The following RPL18 variants were observed in gnomAD, a reference collection of about 807,000 sequenced individuals.
RPL18 encodes the protein ribosomal protein L18, also known as large ribosomal subunit protein eL18.
A neutral mutation model predicts 25.0 loss-of-function variants in RPL18; 4 were observed. That is an observed-to-expected ratio of 0.16 (90% CI 0.08 to 0.37). The LOEUF (loss-of-function observed/expected upper bound fraction) is 0.37. Among genes scored for constraint, RPL18 ranks in the 10% least tolerant of loss-of-function variants. The pLI is 1.00. For synonymous variants in RPL18, 129 were observed against 101.6 expected (o/e 1.27, Z -1.62); for missense variants, 179 against 267.9 (o/e 0.67, Z 2.32).
In RPL18 at chr19:48,617,226, G is replaced by A. The variant is rs760072789; in HGVS notation, c.198+90C>T. 3 of 980,552 alleles carry A rather than the reference G, an allele frequency of 3.1e-6. No homozygotes were observed. In the South Asian group the frequency reaches 3.8e-5, roughly 12 times the overall value. The allele number at this position is 980,552 out of a possible 1,614,324, so 60.7% of individuals were successfully genotyped here. On this transcript the variant is annotated intron_variant, in intron 3 of 6. Coordinates refer to ENST00000549920, the MANE Select transcript of RPL18 (RefSeq NM_000979.4). ...GAGACAAACCCTTGATGCCCTGGTT[G>A]CTCCCAGAGCTCCAAGTCCTGCCTC...
In RPL18 at chr19:48,615,460, G is replaced by C. The variant is rs371491905; in HGVS notation, c.492-13C>G. The C allele has an allele frequency of 4.4e-5, 70 of 1,602,516 alleles. No individual in the cohort carries two copies. In the African/African-American group the frequency reaches 6.7e-4, roughly 15 times the overall value. ...GCGGACGTAGGGTCTGTGGGGAGAGGAGGGAGTGAGAGGGGGGCCCTCTTA... is the reference window on the plus strand; with the variant it reads ...GCGGACGTAGGGTCTGTGGGGAGAGCAGGGAGTGAGAGGGGGGCCCTCTTA... On this transcript the variant is annotated splice_polypyrimidine_tract_variant and intron_variant, in intron 6 of 6. Coordinates refer to ENST00000549920, the MANE Select transcript of RPL18 (RefSeq NM_000979.4).
At chr19:48,615,635 C>A in intron 6 of RPL18, 188 bp from the exon 7 acceptor site, 1 of 655,606 alleles carries the variant, frequency 1.5e-6, no homozygotes, top group East Asian at 2.7e-5. Context: ...CCTGGAGGGT[C>A]CCAGCCTGGG....
chr19:48,616,289 G>C, intron 4 of RPL18, 87 bp from the exon 5 acceptor site: 2 of 1,542,248 alleles, frequency 1.3e-6, no homozygotes, highest in Non-Finnish European at 1.8e-6. Flanking sequence ...CCTTGGCGCA[G>C]CAGAGCCCTG....
chr19:48,616,848 C>T (rs565922930), intron 3 of RPL18, 24 bp from the exon 4 acceptor site: 8 of 1,571,028 alleles, frequency 5.1e-6, no homozygotes, highest in Middle Eastern at 2.0e-4. Flanking sequence ...GGATGTACGT[C>T]GTAAGTTGTT....
intron 6 of RPL18, 83 bp from the exon 7 acceptor site, chr19:48,615,530 A>G (rs981970716): frequency 1.1e-5 from 12 of 1,053,554 alleles, no homozygotes; most frequent in Admixed American, 4.1e-5. Flanking sequence ...CAAGCCTGTC[A>G]CATTCAGCCC....
At chr19:48,616,434 A>G (rs1334602714) in intron 4 of RPL18, 2 of 638,416 alleles carry the variant, frequency 3.1e-6, no homozygotes, top group Admixed American at 2.7e-5. Context: ...CCAAAAAAAG[A>G]CCTGTGCAGA....
In RPL18 at chr19:48,617,781, C is replaced by T; in HGVS notation, c.90+10G>A. 6.2e-7 allele frequency: 1 copy of T among 1,611,634 alleles called. No homozygotes were observed. The highest frequency in any genetic ancestry group is 1.1e-5 in the South Asian group (1 of 91,018). On this transcript the variant is annotated intron_variant, in intron 2 of 6. Coordinates refer to ENST00000549920, the MANE Select transcript of RPL18 (RefSeq NM_000979.4). The stretch of plus-strand genomic sequence containing the variant: ...TGACCCTTCCCAAAGACCTCAGGGC[C>T]CAGCCTCACCTTGACCAACAGCCTC...
rs748264652 is a variant in RPL18 at position 48,615,939 on chromosome 19, G to C, written c.429C>G (p.Arg143=). ...AATGCCGGTACACCTCTCGGCCCTTGCGAGGACCTAGGGAAGGGGAAGGAG... is the reference window on the plus strand; with the variant it reads ...AATGCCGGTACACCTCTCGGCCCTTCCGAGGACCTAGGGAAGGGGAAGGAG... ...GCGTVLLSGP[R]KGREVYRHFG... is the part of the protein sequence containing the mutation. Residue 143 remains arginine, a synonymous_variant, in exon 6 of 7, where the codon CGC becomes CGG. Coordinates refer to ENST00000549920, the MANE Select transcript of RPL18 (RefSeq NM_000979.4). 1 of 1,613,992 alleles carries C rather than the reference G, an allele frequency of 6.2e-7. No homozygotes were observed. The highest frequency in any genetic ancestry group is 8.5e-7 in the Non-Finnish European group (1 of 1,179,928).
At position 48,616,835 on chromosome 19, in the gene RPL18, G is replaced by A. The variant is rs1023147202; in HGVS notation, c.199-11C>T. The A allele has an allele frequency of 5.0e-6, 8 of 1,602,082 alleles. No homozygotes were observed. The highest frequency in any genetic ancestry group is 1.3e-5 in the African/African-American group (1 of 74,724). On this transcript the variant is annotated splice_polypyrimidine_tract_variant and intron_variant, in intron 3 of 6. Coordinates refer to ENST00000549920, the MANE Select transcript of RPL18 (RefSeq NM_000979.4). ...CTTCATCTTCCGGATCTTAGGGTGG[G>A]GAGGATGTACGTCGTAAGTTGTTCT...
intron 6 of RPL18, chr19:48,615,665 T>A (rs1974144689): frequency 1.6e-6 from 1 of 644,100 alleles, no homozygotes; most frequent in Non-Finnish European, 2.7e-6. Context: ...GCCGGTGAAC[T>A]GCATGCTCCC....
intron 2 of RPL18, 28 bp downstream of exon 2, chr19:48,617,763 T>C (rs751525664): frequency 6.1e-5 from 97 of 1,584,778 alleles, no homozygotes; most frequent in Non-Finnish European, 8.1e-5. Flanking sequence ...GGGTGACCCT[T>C]CCCAAAGACC....
At position 48,617,388 on chromosome 19, in the gene RPL18, T is replaced by C. The variant is rs769164077; in HGVS notation, c.126A>G (p.Thr42=). 13 of 1,614,106 alleles carry C rather than the reference T, an allele frequency of 8.1e-6. No individual in the cohort carries two copies. Among genetic ancestry groups the C allele is most frequent in the South Asian group, 1.1e-5 (1 of 91,078 alleles). The change falls in exon 3 of 7, where the codon ACA becomes ACG. Residue 42 remains threonine, a synonymous_variant. Transcript: ENST00000549920. ...ACCTCTTCAACACAACCTGGTTGAATGTGGAGTTGGTTCTTCTGGCCAGAA... is the reference window on the plus strand; with the variant it reads ...ACCTCTTCAACACAACCTGGTTGAACGTGGAGTTGGTTCTTCTGGCCAGAA... ...YRFLARRTNS[T]FNQVVLKRLF... is the part of the protein sequence containing the mutation.
chr19:48,615,923 A>T lies in RPL18; in HGVS notation c.445T>A (p.Tyr149Asn). ...LSGPRKGREV[Y>N]RHFGKAPGTP... ...CCTGGGGCCTTGCCGAAATGCCGGT[A>T]CACCTCTCGGCCCTTGCGAGGACCT... Residue 149 changes from tyrosine to asparagine, a missense_variant, in exon 6 of 7, where the codon TAC (tyrosine) becomes AAC (asparagine). Transcript: ENST00000549920. 10 of 1,613,822 alleles carry T rather than the reference A, an allele frequency of 6.2e-6. No homozygotes were observed. Among genetic ancestry groups the T allele is most frequent in the Non-Finnish European group, 8.5e-6 (10 of 1,179,862 alleles).
Position 48,617,436 on chromosome 19 carries a change from G to C in RPL18, c.91-13C>G. 3 of 1,596,224 alleles carry C rather than the reference G, an allele frequency of 1.9e-6. No homozygotes were observed. The highest frequency in any genetic ancestry group is 2.6e-6 in the Non-Finnish European group (3 of 1,164,084). The stretch of plus-strand genomic sequence containing the variant: ...GAAACCTGTATAACTGGAGGGACGG[G>C]AAGACAGTGAGAAGCTGGGACAGCC... On this transcript the variant is annotated splice_polypyrimidine_tract_variant and intron_variant, in intron 2 of 6. Transcript: ENST00000549920.
rs748026369 is a variant in RPL18, at chr19:48,615,363, G to A, written c.*9C>T. 1 of 1,605,148 alleles carries A rather than the reference G, an allele frequency of 6.2e-7. No individual in the cohort carries two copies. Among genetic ancestry groups the A allele is most frequent in the Admixed American group, 1.7e-5 (1 of 59,438 alleles). ...AAAAATCTTTTTAATAAGAGAGTAG[G>A]ATCCAGGGTTAGTTTTTGTAGCCTC... On this transcript the variant is annotated 3_prime_UTR_variant, in exon 7 of 7. Transcript: ENST00000549920.
chr19:48,619,119 G>A (rs1974294924), intron 1 of RPL18, 22 bp downstream of exon 1: 4 of 1,472,244 alleles, frequency 2.7e-6, no homozygotes, highest in Non-Finnish European at 3.7e-6. Flanking sequence ...ATCCAGCCCC[G>A]AACGCCGCAA....
Position 48,615,904 on chromosome 19 carries a change from G to A in RPL18, c.464C>T (p.Ala155Val). The A allele has an allele frequency of 6.2e-7, 1 of 1,613,228 alleles. No individual in the cohort carries two copies. The highest frequency in any genetic ancestry group is 8.5e-7 in the Non-Finnish European group (1 of 1,179,640). ...GREVYRHFGK[A>V]PGTPHSHTKP... is the part of the protein sequence containing the mutation. ...GGTGTGGCTGTGCGGGGTTCCTGGGGCCTTGCCGAAATGCCGGTACACCTC... is the reference window on the plus strand; with the variant it reads ...GGTGTGGCTGTGCGGGGTTCCTGGGACCTTGCCGAAATGCCGGTACACCTC... Residue 155 changes from alanine to valine, a missense_variant, in exon 6 of 7, where the codon GCC becomes GTC. Coordinates refer to ENST00000549920, the MANE Select transcript of RPL18 (RefSeq NM_000979.4).
chr19:48,615,975 G>A, intron 5 of RPL18, 29 bp from the exon 6 acceptor site: 2 of 1,613,830 alleles, frequency 1.2e-6, no homozygotes, highest in Non-Finnish European at 1.7e-6. Flanking sequence ...AACCGGGTGA[G>A]ACAGGGATCT....
intron 1 of RPL18, chr19:48,618,836 A>G (rs1330806146): frequency 6.1e-6 from 3 of 488,114 alleles, no homozygotes; most frequent in Non-Finnish European, 1.1e-5. Context: ...AGCAAAGCCA[A>G]ATAACTAAGA....
Sources: gnomAD v4.1 joint callset for allele counts on GRCh38, gnomAD v4.1.1 for gene constraint, MANE v1.5 for transcripts, NCBI Gene and HGNC (gene_info 2026-07-23, HGNC 2026-07-21) for gene names.